MPP7: variants seen among roughly 807,000 people sequenced by gnomAD.
MPP7 encodes MAGUK p55 scaffold protein 7.
A neutral mutation model predicts 76.5 loss-of-function variants in MPP7; 60 were observed. The observed-to-expected ratio is 0.78, with a 90% CI of 0.64 to 0.97. MPP7 has a LOEUF of 0.97. Among genes scored for constraint, MPP7 ranks in the 50% least tolerant of loss-of-function variants. The probability of loss-of-function intolerance (pLI) is 0.00; values close to 1 mark genes in which losing one functional copy is unlikely to be tolerated. For synonymous variants in MPP7, 237 were observed against 244.5 expected (o/e 0.97, Z 0.29); for missense variants, 641 against 694.0 (o/e 0.92, Z 0.86).
At chr10:28,195,947 T>C (rs543977971) in intron 3 of MPP7, among the ~76,000 whole-genome samples, 1 of 152,230 alleles carries the variant, frequency 6.6e-6, no homozygotes, top group Non-Finnish European at 1.5e-5. Flanking sequence ...AGGTGAATTA[T>C]ATAGCTCAAC....
intron 11 of MPP7, among the ~76,000 whole-genome samples, chr10:28,109,848 C>CAAAAA (rs869206744): frequency 0.079 from 1,486 of 18,842 alleles, 338 homozygotes; most frequent in Middle Eastern, 0.17. Context: ...GCCGCAGACG[C>CAAAAA]AAAAAAAAAA....
At chr10:28,127,430 C>T (rs1835052872) in intron 6 of MPP7, among the ~76,000 whole-genome samples, 1 of 152,162 alleles carries the variant, frequency 6.6e-6, no homozygotes, top group Non-Finnish European at 1.5e-5. Context: ...TAAAGACATG[C>T]CTGAGACTGG....
upstream of MPP7, among the ~76,000 whole-genome samples, chr10:28,304,285 T>C (rs1841230941): frequency 1.3e-5 from 2 of 152,192 alleles, no homozygotes; most frequent in African/African-American, 4.8e-5. Flanking sequence ...TGCCTTAACA[T>C]TCTGTTTGTT....
At chr10:28,119,464 C>A (rs1190327869) in intron 11 of MPP7, among the ~76,000 whole-genome samples, 187 bp downstream of exon 11, 1 of 152,060 alleles carries the variant, frequency 6.6e-6, no homozygotes, top group Non-Finnish European at 1.5e-5. Flanking sequence ...CTCAACCACC[C>A]CTTTCCTCAA....
intron 5 of MPP7, among the ~76,000 whole-genome samples, chr10:28,136,721 C>T (rs1835365242): frequency 6.6e-6 from 1 of 151,958 alleles, no homozygotes; most frequent in African/African-American, 2.4e-5. Context: ...GAAAAAAGTA[C>T]ACTGAATGAG....
chr10:28,172,266 T>C (rs1836707623), intron 3 of MPP7, among the ~76,000 whole-genome samples: 1 of 152,288 alleles, frequency 6.6e-6, no homozygotes. Flanking sequence ...CACAAACAAA[T>C]ACATTGTTAA....
chr10:28,080,983 G>T (rs1011915834), intron 12 of MPP7, among the ~76,000 whole-genome samples: 1 of 152,116 alleles, frequency 6.6e-6, no homozygotes, highest in Non-Finnish European at 1.5e-5. Context: ...GAGGCTTTGT[G>T]TTATGCCACA....
At chr10:28,268,662 G>A (rs1242353690) in intron 1 of MPP7, among the ~76,000 whole-genome samples, 1 of 151,640 alleles carries the variant, frequency 6.6e-6, no homozygotes, top group Non-Finnish European at 1.5e-5. Flanking sequence ...AACATGAGAG[G>A]CAGAGAAGAT....
intron 2 of MPP7, among the ~76,000 whole-genome samples, chr10:28,229,378 G>A (rs896357058): frequency 2.6e-5 from 4 of 152,154 alleles, no homozygotes; most frequent in Admixed American, 6.5e-5. Context: ...TATGTGCTTG[G>A]TAAAAACTAC....
intron 1 of MPP7, among the ~76,000 whole-genome samples, chr10:28,255,945 C>A (rs1039811014): frequency 6.6e-6 from 1 of 152,078 alleles, no homozygotes; most frequent in Non-Finnish European, 1.5e-5. Flanking sequence ...GTTTTACTTC[C>A]TTTATACTTA....
intron 3 of MPP7, among the ~76,000 whole-genome samples, chr10:28,188,952 C>T (rs943796413): frequency 2.6e-5 from 4 of 151,350 alleles, no homozygotes; most frequent in African/African-American, 9.7e-5. Context: ...ACCTGCCTTG[C>T]AAGAAGTGTT....
chr10:28,328,569 CTTT>C (rs34544679), intron 2 of MPP7, among the ~76,000 whole-genome samples: 165 of 136,540 alleles, frequency 1.2e-3, no homozygotes, highest in Admixed American at 2.9e-3. Context: ...CTAGCAAGCA[CTTT>C]TTTTTTTTTT....
At chr10:28,207,097 T>C (rs1369942298) in intron 2 of MPP7, among the ~76,000 whole-genome samples, 2 of 152,148 alleles carry the variant, frequency 1.3e-5, no homozygotes, top group Non-Finnish European at 2.9e-5. Flanking sequence ...AGAGATTTTG[T>C]AAGAACTTCA....
intron 3 of MPP7, among the ~76,000 whole-genome samples, chr10:28,171,103 A>G (rs1017456569): frequency 7.2e-5 from 11 of 152,222 alleles, no homozygotes; most frequent in Non-Finnish European, 1.3e-4. Context: ...ATAAGTGTCT[A>G]TTAGGTGTCG....
intron 2 of MPP7, among the ~76,000 whole-genome samples, chr10:28,206,799 T>C (rs1217761649): frequency 6.6e-6 from 1 of 152,208 alleles, no homozygotes; most frequent in East Asian, 1.9e-4. Context: ...GTATAGTTTT[T>C]ATCTCTACAA....
Position 28,138,882 on chromosome 10 carries a change from A to T in MPP7, c.316-7191T>A, listed in dbSNP as rs148175821. On this transcript the variant is annotated intron_variant, in intron 5 of 16. Transcript: ENST00000683449. ...CCAAACATTTAATAATTTACATTGA[A>T]TTCCGTTTACTGGGAATCCCAATGT... 3.8e-3 allele frequency among the ~76,000 whole-genome samples: 581 copies of T among 152,330 alleles called. 5 individuals carry two copies. The highest frequency in any genetic ancestry group is 0.013 in the African/African-American group (554 of 41,564).
intron 5 of MPP7, among the ~76,000 whole-genome samples, chr10:28,145,039 G>A (rs1056310649): frequency 3.3e-5 from 5 of 152,042 alleles, no homozygotes; most frequent in Non-Finnish European, 5.9e-5. Flanking sequence ...TCAGCCTCCC[G>A]AGTAGCTGGG....
At chr10:28,299,794 C>G (rs1210428339) in intron 1 of MPP7, among the ~76,000 whole-genome samples, 2 of 133,782 alleles carry the variant, frequency 1.5e-5, no homozygotes, top group African/African-American at 5.8e-5. Context: ...GAGACGGAGT[C>G]TCGCTCTGTG....
intron 12 of MPP7, among the ~76,000 whole-genome samples, chr10:28,082,443 C>T (rs1169617703): frequency 6.6e-6 from 1 of 151,468 alleles, no homozygotes; most frequent in Non-Finnish European, 1.5e-5. Flanking sequence ...CCTCCTTCCT[C>T]CTCCTTCCTT....
Sources: gnomAD v4.1 joint callset for allele counts (sites outside exome capture counted in the v4.1 genomes callset) on GRCh38, gnomAD v4.1.1 for gene constraint, MANE v1.5 for transcripts, NCBI Gene and HGNC (gene_info 2026-07-23, HGNC 2026-07-21) for gene names.